CLASP1: variants seen among roughly 807,000 people sequenced by gnomAD.
CLASP1 encodes the protein CLIP-associating protein 1.
Under a neutral mutation model 192.3 loss-of-function variants are expected in CLASP1, and 38 were observed. The ratio of observed to expected loss-of-function variants is 0.20; its 90% CI spans 0.15 to 0.26. CLASP1 has a LOEUF of 0.26. CLASP1 is among the 10% of genes least tolerant of loss of function. The pLI is 1.00. For missense variants in CLASP1, 1,433 were observed against 1,932.5 expected, an observed-to-expected ratio of 0.74 and a Z score of 4.85; for synonymous variants, 691 against 712.8, an observed-to-expected ratio of 0.97 and a Z score of 0.49.
At chr2:121,569,378 G>A (rs745431816) in intron 2 of CLASP1, among the ~76,000 whole-genome samples, 1 of 152,206 alleles carries the variant, frequency 6.6e-6, no homozygotes, top group Non-Finnish European at 1.5e-5. Context: ...AGATCAGGGC[G>A]GCTGGAGGAC....
chr2:121,625,414 T>C (rs1433428748), intron 1 of CLASP1, among the ~76,000 whole-genome samples: 2 of 150,358 alleles, frequency 1.3e-5, no homozygotes, highest in African/African-American at 2.5e-5. Context: ...GCTTGAGAGA[T>C]TTTCTTTCTT....
chr2:121,558,285 T>TA (rs965276000), intron 2 of CLASP1, among the ~76,000 whole-genome samples: 12 of 152,064 alleles, frequency 7.9e-5, no homozygotes, highest in Non-Finnish European at 1.8e-4. Flanking sequence ...ACCACTAATC[T>TA]AAAATGAAAG....
chr2:121,417,935 T>C (rs879271281), intron 23 of CLASP1, among the ~76,000 whole-genome samples: 18 of 152,220 alleles, frequency 1.2e-4, no homozygotes, highest in Admixed American at 4.6e-4. Flanking sequence ...CTAAGTATTA[T>C]AAAATGATTT....
intron 1 of CLASP1, among the ~76,000 whole-genome samples, chr2:121,636,397 C>T (rs1467397309): frequency 6.7e-6 from 1 of 150,104 alleles, no homozygotes; most frequent in Non-Finnish European, 1.5e-5. Context: ...GGCGCAGTGG[C>T]TCATGCCTGT....
chr2:121,370,768 C>A (rs146076344), intron 34 of CLASP1, among the ~76,000 whole-genome samples: 15 of 152,232 alleles, frequency 9.9e-5, no homozygotes, highest in Admixed American at 7.9e-4. Flanking sequence ...GCACTCCCCC[C>A]ACTCCACCTG....
intron 32 of CLASP1, among the ~76,000 whole-genome samples, chr2:121,383,245 T>C (rs1449652024): frequency 6.6e-6 from 1 of 152,180 alleles, no homozygotes; most frequent in Non-Finnish European, 1.5e-5. Flanking sequence ...GCCACTGGCA[T>C]TCACTGGCAT....
chr2:121,474,123 T>A (rs2091243154), intron 8 of CLASP1, among the ~76,000 whole-genome samples: 1 of 152,194 alleles, frequency 6.6e-6, no homozygotes, highest in African/African-American at 2.4e-5. Flanking sequence ...TGACTGACTG[T>A]TTAAAGCAAA....
intron 2 of CLASP1, among the ~76,000 whole-genome samples, chr2:121,585,502 C>T (rs777269381): frequency 1.1e-4 from 16 of 152,014 alleles, no homozygotes; most frequent in Non-Finnish European, 1.8e-4. Context: ...TTTCTAGGAC[C>T]GCATCCCCTG....
intron 26 of CLASP1, chr2:121,403,676 C>G (rs2076468373): frequency 1.3e-5 from 6 of 449,506 alleles, no homozygotes; most frequent in Non-Finnish European, 2.7e-5. Context: ...AATCTAGACT[C>G]CAAGTAAACT....
chr2:121,462,998 A>C (rs2088441769), intron 9 of CLASP1, among the ~76,000 whole-genome samples: 2 of 152,174 alleles, frequency 1.3e-5, no homozygotes, highest in Admixed American at 6.5e-5. Context: ...AGCATAACAA[A>C]TTTGTGAATA....
chr2:121,428,835 T>C (rs1313479347), intron 20 of CLASP1, among the ~76,000 whole-genome samples: 1 of 152,192 alleles, frequency 6.6e-6, no homozygotes, highest in Non-Finnish European at 1.5e-5. Flanking sequence ...AACTATTACA[T>C]GTTAGGCTCC....
At chr2:121,341,253 G>A (rs534104986) in intron 39 of CLASP1, among the ~76,000 whole-genome samples, 2 of 152,148 alleles carry the variant, frequency 1.3e-5, no homozygotes, top group African/African-American at 2.4e-5. Flanking sequence ...GAAGGGATAC[G>A]GGGGCAGGGC....
At chr2:121,569,019 A>C (rs1162853003) in intron 2 of CLASP1, among the ~76,000 whole-genome samples, 1 of 152,008 alleles carries the variant, frequency 6.6e-6, no homozygotes, top group Non-Finnish European at 1.5e-5. Flanking sequence ...CGGAGATATA[A>C]ATGTTCAATC....
intron 8 of CLASP1, among the ~76,000 whole-genome samples, chr2:121,497,771 G>A (rs1235562913): frequency 6.6e-6 from 1 of 152,020 alleles, no homozygotes; most frequent in African/African-American, 2.4e-5. Flanking sequence ...CCAGGCTGGA[G>A]TGCAGTGACA....
rs568852554 is a variant in CLASP1 at position 121,498,328 on chromosome 2, C to T, written c.712+4839G>A. Among the ~76,000 whole-genome samples, 13 of 151,904 alleles carry T rather than the reference C, an allele frequency of 8.6e-5. No homozygotes were observed. The East Asian group carries it at 2.5e-3, about 30-fold the overall frequency. On this transcript the variant is annotated intron_variant, in intron 8 of 39. Transcript: ENST00000263710. ...TCCTCCCACCTCAGGGCCACCCCAC[C>T]ACCCCCCCAGCTGGGACTACAGGGG...
intron 1 of CLASP1, among the ~76,000 whole-genome samples, chr2:121,625,039 T>C (rs1211061472): frequency 6.6e-6 from 1 of 152,194 alleles, no homozygotes; most frequent in Non-Finnish European, 1.5e-5. Context: ...ATGATTTCCA[T>C]CCGTTAAATT....
At chr2:121,396,165 T>C (rs968408242) in intron 30 of CLASP1, among the ~76,000 whole-genome samples, 5 of 152,176 alleles carry the variant, frequency 3.3e-5, no homozygotes, top group Non-Finnish European at 5.9e-5. Context: ...TCTTCTGAAA[T>C]TCCTCTGAAG....
At chr2:121,504,282 G>C (rs1378859468) in intron 7 of CLASP1, among the ~76,000 whole-genome samples, 2 of 152,036 alleles carry the variant, frequency 1.3e-5, no homozygotes, top group Non-Finnish European at 2.9e-5. Flanking sequence ...GTATACTGGA[G>C]TAAGTGTTGA....
At chr2:121,349,445 T>C (rs1196503277) in intron 37 of CLASP1, among the ~76,000 whole-genome samples, 1 of 152,018 alleles carries the variant, frequency 6.6e-6, no homozygotes, top group Admixed American at 6.6e-5. Flanking sequence ...CACACTAAAA[T>C]TGGAGAACCT....
Sources: allele counts gnomAD v4.1 joint callset (sites outside exome capture counted in the v4.1 genomes callset), GRCh38; gene constraint gnomAD v4.1.1; transcripts MANE v1.5; gene names NCBI Gene and HGNC (gene_info 2026-07-23, HGNC 2026-07-21).